Variants in PBX3 observed in about 807,000 individuals in gnomAD.
PBX3 encodes the protein PBX homeobox 3.
PBX3 carries 14 observed loss-of-function variants against 48.5 expected under a neutral mutation model. The observed-to-expected ratio is 0.29, with a 90% CI of 0.19 to 0.45. The LOEUF is 0.45. Ranked by LOEUF, PBX3 falls within the 20% of genes least tolerant of loss-of-function variation. PBX3 has a pLI of 1.00. For missense variants in PBX3, 386 were observed against 546.7 expected, an observed-to-expected ratio of 0.71 and a Z score of 2.93; for synonymous variants, 210 against 200.3, an observed-to-expected ratio of 1.05 and a Z score of -0.41.
intron 3 of PBX3, among the ~76,000 whole-genome samples, chr9:125,920,665 A>AT (rs1399696155): frequency 6.6e-6 from 1 of 152,214 alleles, no homozygotes. Context: ...ATTGAAATAC[A>AT]TTTTTTGCTG....
intron 2 of PBX3, among the ~76,000 whole-genome samples, chr9:125,809,360 T>C (rs969723626): frequency 2.0e-5 from 3 of 152,200 alleles, no homozygotes; most frequent in African/African-American, 7.2e-5. Flanking sequence ...CTTTTTTCTT[T>C]TTTGGGGAGA....
rs569422469 is a variant in PBX3, at chr9:125,760,765, A to G, written c.274+12142A>G. On this transcript the variant is annotated intron_variant, in intron 2 of 8. Transcript: ENST00000373489. Reference sequence around the variant, plus strand: ...TTTTCTGTGCATATAAGTACCTACAAGTACACTGAATATGAAGTTAAGCAT... The same window carrying G: ...TTTTCTGTGCATATAAGTACCTACAGGTACACTGAATATGAAGTTAAGCAT... Among the ~76,000 whole-genome samples the G allele has an allele frequency of 2.0e-5, 3 of 152,336 alleles. No individual in the cohort carries two copies. In the East Asian group the frequency reaches 5.8e-4, roughly 29 times the overall value.
intron 2 of PBX3, among the ~76,000 whole-genome samples, chr9:125,880,948 T>C (rs1042725283): frequency 6.6e-6 from 1 of 152,356 alleles, no homozygotes; most frequent in East Asian, 1.9e-4. Context: ...TTTCTTGAAC[T>C]GCATTTAGGT....
chr9:125,965,908 G>A lies in PBX3; in HGVS notation c.1290G>A (p.Ser430=), dbSNP rs1842522645. The A allele has an allele frequency of 1.9e-6, 3 of 1,613,178 alleles. No homozygotes were observed. The highest frequency in any genetic ancestry group is 1.3e-5 in the African/African-American group (1 of 74,862). ...CAGAAGGCCCAGGAAGTGTGCACTC[G>A]GATACCTCTAACTAATCTCTGGCCA... ...SPTEGPGSVH[S]DTSN Residue 430 remains serine, a synonymous_variant, in exon 9 of 9, where the codon TCG becomes TCA. Coordinates refer to ENST00000373489, the MANE Select transcript of PBX3 (RefSeq NM_006195.6).
intron 2 of PBX3, among the ~76,000 whole-genome samples, chr9:125,792,821 C>A (rs1837650442): frequency 6.6e-6 from 1 of 151,362 alleles, no homozygotes; most frequent in South Asian, 2.1e-4. Context: ...GCCTCAGCCT[C>A]CCGAGTAGCT....
chr9:125,882,992 CAT>C (rs1198811120), intron 2 of PBX3, among the ~76,000 whole-genome samples: 6 of 152,138 alleles, frequency 3.9e-5, no homozygotes, highest in Admixed American at 6.5e-5. Flanking sequence ...GACACACAAA[CAT>C]GTAACAAAAT....
chr9:125,875,089 A>T (rs1165588745), intron 2 of PBX3, among the ~76,000 whole-genome samples: 1 of 152,206 alleles, frequency 6.6e-6, no homozygotes, highest in East Asian at 1.9e-4. Context: ...AAAACTCCGT[A>T]TCTATCTCCC....
At chr9:125,924,391 A>G (rs10987038) in intron 3 of PBX3, among the ~76,000 whole-genome samples, 3,315 of 152,296 alleles carry the variant, frequency 0.022, 179 homozygotes, top group East Asian at 0.17. Flanking sequence ...CCTCACACAG[A>G]TATGTCATTG....
At chr9:125,848,015 C>G (rs570835101) in intron 2 of PBX3, among the ~76,000 whole-genome samples, 41 of 152,118 alleles carry the variant, frequency 2.7e-4, no homozygotes, top group African/African-American at 9.6e-4. Flanking sequence ...GGTAGGCTGA[C>G]CTAGAGTCAT....
intron 2 of PBX3, among the ~76,000 whole-genome samples, chr9:125,847,336 A>T (rs1237955916): frequency 1.3e-5 from 2 of 152,004 alleles, no homozygotes; most frequent in Non-Finnish European, 2.9e-5. Flanking sequence ...TTGCAGCATT[A>T]TTCCTAAAAG....
At chr9:125,924,115 C>T (rs1432891151) in intron 3 of PBX3, among the ~76,000 whole-genome samples, 1 of 152,180 alleles carries the variant, frequency 6.6e-6, no homozygotes, top group Non-Finnish European at 1.5e-5. Context: ...AGCAGTACTC[C>T]CACTTCGCCC....
chr9:125,923,209 A>T (rs2132491280), intron 3 of PBX3, among the ~76,000 whole-genome samples: 1 of 152,356 alleles, frequency 6.6e-6, no homozygotes, highest in East Asian at 1.9e-4. Flanking sequence ...GCTCTTTAGA[A>T]TCCATAGACA....
At chr9:125,774,902 C>T (rs956791165) in intron 2 of PBX3, among the ~76,000 whole-genome samples, 1 of 151,486 alleles carries the variant, frequency 6.6e-6, no homozygotes, top group Non-Finnish European at 1.5e-5. Flanking sequence ...GACAGAGTCT[C>T]GCTCTGTCAC....
intron 2 of PBX3, among the ~76,000 whole-genome samples, chr9:125,785,062 C>G (rs1023545030): frequency 6.6e-6 from 1 of 152,210 alleles, no homozygotes; most frequent in Non-Finnish European, 1.5e-5. Flanking sequence ...CCCCAGGTGG[C>G]TGCACATCTT....
intron 2 of PBX3, among the ~76,000 whole-genome samples, chr9:125,891,294 T>C (rs1840635770): frequency 6.6e-6 from 1 of 152,222 alleles, no homozygotes; most frequent in Admixed American, 6.5e-5. Flanking sequence ...TTTATTATTA[T>C]AGATAACCGT....
chr9:125,754,777 G>T (rs537829521), intron 2 of PBX3, among the ~76,000 whole-genome samples: 33 of 152,080 alleles, frequency 2.2e-4, no homozygotes, highest in African/African-American at 7.7e-4. Flanking sequence ...TGTATATCTA[G>T]CAAAAAAATT....
chr9:125,844,763 A>G (rs1200985889), intron 2 of PBX3: 1 of 152,154 alleles, frequency 6.6e-6, no homozygotes, highest in Non-Finnish European at 1.5e-5. Flanking sequence ...ACCTTATGGC[A>G]CAGAAAATGG....
chr9:125,778,852 CT>C (rs1473908566), intron 2 of PBX3, among the ~76,000 whole-genome samples: 3 of 137,222 alleles, frequency 2.2e-5, no homozygotes, highest in Non-Finnish European at 3.1e-5. Flanking sequence ...GATTTACCAA[CT>C]TTGCTCACCA....
At position 125,929,751 on chromosome 9, in the gene PBX3, A is replaced by G. The variant is rs1204749562; in HGVS notation, c.613A>G (p.Ile205Val). 6.2e-7 allele frequency: 1 copy of G among 1,613,726 alleles called. No homozygotes were observed. ...SPKEIERMVG[I>V]IHRKFSSIQM... ...AAAAGAGATTGAAAGAATGGTGGGC[A>G]TCATCCATCGAAAATTTAGTTCCAT... is the stretch of plus-strand genomic sequence containing the variant. The change falls in exon 4 of 9, where the codon ATC becomes GTC. Residue 205 changes from isoleucine to valine, a missense_variant. Ile to Val is a conservative substitution (Grantham distance 29, BLOSUM62 3). This residue lies in a region of PBX3 where 74 missense variants were observed against 206.1 expected (regional missense o/e 0.36). Transcript: ENST00000373489.
Sources: gnomAD v4.1 joint callset for allele counts (sites outside exome capture counted in the v4.1 genomes callset) on GRCh38, gnomAD v4.1.1 for gene constraint, gnomAD v4.1.1 regional missense constraint, MANE v1.5 for transcripts, NCBI Gene and HGNC (gene_info 2026-07-23, HGNC 2026-07-21) for gene names.